STOX2: variants seen among roughly 807,000 people sequenced by gnomAD.
The protein encoded by STOX2 is storkhead-box protein 2.
In STOX2, 28 loss-of-function variants were observed where a neutral mutation model predicts 60.9. That is an observed-to-expected ratio of 0.46 (90% CI 0.34 to 0.63). The LOEUF (loss-of-function observed/expected upper bound fraction) is 0.63. STOX2 is among the 30% of genes least tolerant of loss of function. STOX2 has a pLI of 0.01. For missense variants in STOX2, 1,024 were observed against 1,187.7 expected, an observed-to-expected ratio of 0.86 and a Z score of 2.03; for synonymous variants, 472 against 463.9, an observed-to-expected ratio of 1.02 and a Z score of -0.22.
chr4:183,964,939 A>G (rs1445429860), intron 1 of STOX2, among the ~76,000 whole-genome samples: 2 of 152,220 alleles, frequency 1.3e-5, no homozygotes, highest in African/African-American at 4.8e-5. Context: ...GACCTCAGAA[A>G]CAGGAAATGG....
chr4:183,850,197 T>A (rs1740082256), intron 1 of STOX2, among the ~76,000 whole-genome samples: 1 of 151,800 alleles, frequency 6.6e-6, no homozygotes, highest in Non-Finnish European at 1.5e-5. Flanking sequence ...GGTCTTGAAC[T>A]CCTGTCCTCA....
chr4:183,915,834 A>T (rs934555670), intron 1 of STOX2, among the ~76,000 whole-genome samples: 4 of 152,198 alleles, frequency 2.6e-5, no homozygotes, highest in Non-Finnish European at 5.9e-5. Flanking sequence ...AATCCTACTG[A>T]CACCTGGGGT....
chr4:183,852,640 C>T (rs1212385696), intron 1 of STOX2, among the ~76,000 whole-genome samples: 1 of 152,238 alleles, frequency 6.6e-6, no homozygotes, highest in African/African-American at 2.4e-5. Flanking sequence ...CTGACCACAC[C>T]CTGTACCTCG....
chr4:183,873,444 C>A (rs1262507549), intron 1 of STOX2, among the ~76,000 whole-genome samples: 2 of 91,908 alleles, frequency 2.2e-5, no homozygotes, highest in African/African-American at 8.2e-5. Context: ...AAAACTCTGT[C>A]TCAAAAAAAA....
intron 1 of STOX2, among the ~76,000 whole-genome samples, chr4:183,996,805 T>C (rs1420914447): frequency 1.3e-5 from 2 of 152,224 alleles, no homozygotes; most frequent in African/African-American, 2.4e-5. Context: ...TATTTTTCTA[T>C]AGTAACTGCT....
chr4:184,003,867 A>C (rs1733697972), intron 2 of STOX2, among the ~76,000 whole-genome samples: 1 of 152,192 alleles, frequency 6.6e-6, no homozygotes, highest in Non-Finnish European at 1.5e-5. Flanking sequence ...TTCATAAAAA[A>C]TGAAAGTTTG....
chr4:183,896,116 A>T (rs1741334441), intron 1 of STOX2, among the ~76,000 whole-genome samples: 1 of 152,192 alleles, frequency 6.6e-6, no homozygotes, highest in African/African-American at 2.4e-5. Flanking sequence ...TGTGGTGCAC[A>T]TTGTGACAAG....
At chr4:183,870,164 A>T (rs1041858061) in intron 1 of STOX2, among the ~76,000 whole-genome samples, 2 of 152,172 alleles carry the variant, frequency 1.3e-5, no homozygotes, top group Non-Finnish European at 2.9e-5. Context: ...CCAAACTGTT[A>T]TGTTGTTATA....
At chr4:183,803,737 T>C (rs1579283668) in intron 1 of STOX2, among the ~76,000 whole-genome samples, 1 of 152,074 alleles carries the variant, frequency 6.6e-6, no homozygotes, top group East Asian at 1.9e-4. Flanking sequence ...CTGAGGCAGG[T>C]GGGCCACCTG....
Position 183,856,282 on chromosome 4 carries a change from TA to T in STOX2, c.364+58234del, listed in dbSNP as rs35589611. Among the ~76,000 whole-genome samples, 53,880 of 151,774 alleles carry T rather than the reference TA, an allele frequency of 0.36. 11,602 individuals carry two copies. The highest frequency in any genetic ancestry group is 0.49 in the Non-Finnish European group (33,089 of 67,878). On this transcript the variant is annotated intron_variant, in intron 1 of 2. Coordinates refer to the STOX2 transcript ENST00000513034. This position sits in a 1 kb window ranked among gnomAD's most constrained non-coding sequence, Gnocchi z 4.0. ...ACTCCCCCAAGACGAGCCTATGAAC[TA>T]AAAAAATCTGCACCATTAATTAAAG...
intron 2 of STOX2, among the ~76,000 whole-genome samples, chr4:184,005,480 A>G (rs994694244): frequency 9.0e-6 from 1 of 111,384 alleles, no homozygotes; most frequent in Non-Finnish European, 2.1e-5. Context: ...AAAAAAATTC[A>G]TAGGTATAAG....
rs146774971 is a variant in STOX2 at position 183,887,284 on chromosome 4, T to C, written c.364+89229T>C. 1.3e-3 allele frequency among the ~76,000 whole-genome samples: 201 copies of C among 151,488 alleles called. 4 individuals carry two copies. In the East Asian group the frequency reaches 0.033, roughly 25 times the overall value. ...CGCCTGAAAGAAAAAAAAAAAGTTA[T>C]GTACTTCTTCCCTGTACAGGGACGT... On this transcript the variant is annotated intron_variant, in intron 1 of 2. Coordinates refer to the STOX2 transcript ENST00000513034.
intron 1 of STOX2, among the ~76,000 whole-genome samples, chr4:183,887,867 C>T (rs182036928): frequency 1.3e-5 from 2 of 152,220 alleles, no homozygotes; most frequent in African/African-American, 2.4e-5. Context: ...CTTCAGCCTC[C>T]TGAGTAGCTG....
At position 184,010,013 on chromosome 4, in the gene STOX2, C is replaced by T. The variant is rs1734072372; in HGVS notation, c.1175C>T (p.Pro392Leu). Residue 392 changes from proline (P) to leucine (L), a missense_variant, in exon 3 of 4, where the codon CCA (proline) becomes CTA (leucine). Physicochemically the swap from Pro to Leu is moderately conservative, Grantham distance 98. This residue lies in a region of STOX2 where 922 missense variants were observed against 1,058.3 expected (regional missense o/e 0.87). Coordinates refer to ENST00000308497, the MANE Select transcript of STOX2 (RefSeq NM_020225.3). This position sits in a 1 kb window ranked among gnomAD's most constrained non-coding sequence, Gnocchi z 4.5. ...TCCGACGGTTCACATCTGGATATCCCAGCTGAAAGAGAGTATGACTTTTGT... is the reference window on the plus strand; with the variant it reads ...TCCGACGGTTCACATCTGGATATCCTAGCTGAAAGAGAGTATGACTTTTGT... ...DPSDGSHLDI[P>L]AEREYDFCDP... The T allele has an allele frequency of 6.2e-7, 1 of 1,613,746 alleles. No homozygotes were observed. Among genetic ancestry groups the T allele is most frequent in the South Asian group, 1.1e-5 (1 of 91,042 alleles).
intron 1 of STOX2, among the ~76,000 whole-genome samples, chr4:183,799,689 A>G (rs919253891): frequency 3.4e-4 from 52 of 150,902 alleles, no homozygotes; most frequent in Non-Finnish European, 8.8e-5. Flanking sequence ...CTCAGACATT[A>G]TATCAACTTG....
intron 1 of STOX2, among the ~76,000 whole-genome samples, chr4:183,841,464 C>T (rs1033234237): frequency 9.2e-5 from 14 of 152,128 alleles, no homozygotes; most frequent in African/African-American, 2.9e-4. Flanking sequence ...GCTCCCTCCT[C>T]GGCCTCCCAA....
rs774336146 is a variant in STOX2, at chr4:184,010,364, C to T, written c.1526C>T (p.Pro509Leu). The change falls in exon 3 of 4, where the codon CCG becomes CTG. Residue 509 changes from proline (P) to leucine (L), a missense_variant. This residue lies in a region of STOX2 where 922 missense variants were observed against 1,058.3 expected (regional missense o/e 0.87). Transcript: ENST00000308497. The surrounding 1 kb of genome is among the most constrained non-coding windows in gnomAD (Gnocchi z 4.5). ...CTGGGTGCTTCTTCTCTAGGGACGC[C>T]GGAAGACCTTGCTGAAGGCTGCAGC... ...GPLGASSLGT[P>L]EDLAEGCSQD... 1.4e-5 allele frequency: 23 copies of T among 1,612,146 alleles called. No individual in the cohort carries two copies. Among genetic ancestry groups the T allele is most frequent in the South Asian group, 9.9e-5 (9 of 90,624 alleles).
chr4:183,889,890 A>T (rs1741166824), intron 1 of STOX2, among the ~76,000 whole-genome samples: 1 of 151,950 alleles, frequency 6.6e-6, no homozygotes, highest in Non-Finnish European at 1.5e-5. Context: ...GAAAAGATGG[A>T]TTTCATAATT....
chr4:183,930,497 G>GC (rs532208583), intron 1 of STOX2, among the ~76,000 whole-genome samples: 2,133 of 134,178 alleles, frequency 0.016, 50 homozygotes, highest in African/African-American at 0.074. Context: ...GTGCCACCAT[G>GC]CCCCTTTTTT....
Sources: allele counts gnomAD v4.1 joint callset (sites outside exome capture counted in the v4.1 genomes callset), GRCh38; gene constraint gnomAD v4.1.1; regional missense constraint gnomAD v4.1.1; non-coding constraint Gnocchi (gnomAD v3.1); transcripts MANE v1.5; gene names NCBI Gene and HGNC (gene_info 2026-07-23, HGNC 2026-07-21).